Variants in GRAMD1C observed in about 807,000 individuals in gnomAD.
The protein encoded by GRAMD1C is protein Aster-C.
Under a neutral mutation model 97.8 loss-of-function variants are expected in GRAMD1C, and 89 were observed. The ratio of observed to expected loss-of-function variants is 0.91; its 90% CI spans 0.77 to 1.09. The LOEUF (loss-of-function observed/expected upper bound fraction) is 1.09, where lower values mean the gene tolerates loss of function less well. GRAMD1C is among the 50% of genes least tolerant of loss of function. The pLI is 0.00. For missense variants in GRAMD1C, 740 were observed against 766.4 expected (o/e 0.97, Z 0.41); for synonymous variants, 256 against 267.0 (o/e 0.96, Z 0.40).
chr3:113,925,610 A>T (rs1188948117), intron 10 of GRAMD1C, among the ~76,000 whole-genome samples: 1 of 152,214 alleles, frequency 6.6e-6, no homozygotes, highest in African/African-American at 2.4e-5. Flanking sequence ...TGTGGATTTT[A>T]TCTTGTCATT....
At position 113,873,314 on chromosome 3, in the gene GRAMD1C, T is replaced by C. The variant is rs150278106; in HGVS notation, c.260-2170T>C. Among the ~76,000 whole-genome samples the C allele has an allele frequency of 5.9e-5, 9 of 152,130 alleles. No homozygotes were observed. In the East Asian group the frequency reaches 1.7e-3, roughly 29 times the overall value. ...AAACACTCAAAAAAGTCTGCTGATA[T>C]ATATCAAATAGTCTTCAGTTAAATA... is the stretch of plus-strand genomic sequence containing the variant. On this transcript the variant is annotated intron_variant, in intron 3 of 17. Coordinates refer to ENST00000358160, the MANE Select transcript of GRAMD1C (RefSeq NM_017577.5).
chr3:113,926,754 A>G (rs1217752572), intron 10 of GRAMD1C, among the ~76,000 whole-genome samples: 1 of 152,068 alleles, frequency 6.6e-6, no homozygotes, highest in Non-Finnish European at 1.5e-5. Context: ...TCACTTCTGG[A>G]AGATTTCAGG....
At chr3:113,831,151 A>T (rs1219951265) in intron 1 of GRAMD1C, among the ~76,000 whole-genome samples, 1 of 152,200 alleles carries the variant, frequency 6.6e-6, no homozygotes, top group Non-Finnish European at 1.5e-5. Context: ...ACTTTATTCA[A>T]AGTTTTCCAG....
intron 3 of GRAMD1C, among the ~76,000 whole-genome samples, chr3:113,875,196 C>A (rs1196566352): frequency 6.6e-6 from 1 of 152,006 alleles, no homozygotes; most frequent in Non-Finnish European, 1.5e-5. Context: ...CTCATACCTG[C>A]CTATGCTCTC....
chr3:113,862,369 G>A (rs1934411575), intron 2 of GRAMD1C, among the ~76,000 whole-genome samples: 1 of 152,208 alleles, frequency 6.6e-6, no homozygotes, highest in South Asian at 2.1e-4. Context: ...TCTCAGGGAT[G>A]TTCCTTGCTG....
intron 14 of GRAMD1C, chr3:113,936,751 G>A (rs756680648): frequency 3.4e-5 from 6 of 178,608 alleles, no homozygotes; most frequent in Admixed American, 6.1e-5. Context: ...TGCCCATGCT[G>A]TAAGTGGCAC....
intron 5 of GRAMD1C, among the ~76,000 whole-genome samples, chr3:113,878,159 G>T (rs1163336770): frequency 6.6e-6 from 1 of 152,100 alleles, no homozygotes; most frequent in Non-Finnish European, 1.5e-5. Context: ...ACTTATGTCA[G>T]TATGAACTGG....
intron 10 of GRAMD1C, chr3:113,919,674 AC>A: frequency 1.5e-6 from 1 of 646,114 alleles, no homozygotes; most frequent in South Asian, 1.4e-5. Flanking sequence ...CTTATTGTTC[AC>A]CAGCTTGCCA....
chr3:113,857,775 G>A (rs1934208036), intron 2 of GRAMD1C, among the ~76,000 whole-genome samples: 1 of 152,134 alleles, frequency 6.6e-6, no homozygotes, highest in Non-Finnish European at 1.5e-5. Context: ...ATTTTTAAAA[G>A]CATGTCAATA....
chr3:113,834,430 T>C (rs555160563), upstream of GRAMD1C, among the ~76,000 whole-genome samples: 45 of 152,128 alleles, frequency 3.0e-4, no homozygotes, highest in African/African-American at 1.1e-3. Context: ...CCACCTGCCT[T>C]GGTCTCCTGA....
chr3:113,890,634 AG>A (rs1935685087), intron 6 of GRAMD1C: 4 of 633,296 alleles, frequency 6.3e-6, no homozygotes, highest in Non-Finnish European at 1.2e-5. Context: ...TAACTTGTTG[AG>A]TGCTCAGAAT....
At chr3:113,908,901 T>C (rs907731778) in intron 8 of GRAMD1C, 57 bp from the exon 9 acceptor site, 2 of 1,026,168 alleles carry the variant, frequency 1.9e-6, no homozygotes, top group Non-Finnish European at 2.8e-6. Context: ...AAGTTCTCAC[T>C]GCAAAATCTA....
chr3:113,866,350 G>A (rs1377590086), intron 2 of GRAMD1C, among the ~76,000 whole-genome samples: 1 of 152,100 alleles, frequency 6.6e-6, no homozygotes, highest in Non-Finnish European at 1.5e-5. Flanking sequence ...AAGTAATAGA[G>A]CCACTCAGAT....
Position 113,946,046 on chromosome 3 carries a change from ATGAT to A in GRAMD1C, c.*570_*573del, listed in dbSNP as rs1455439435. 6.6e-6 allele frequency: 1 copy of A among 152,398 alleles called. No individual in the cohort carries two copies. Among genetic ancestry groups the A allele is most frequent in the Non-Finnish European group, 1.5e-5 (1 of 68,036 alleles). 9.4% of individuals were successfully genotyped at this position (152,398 alleles called of 1,614,324 possible). Reference sequence around the variant, plus strand: ...AACTTTTTGAATCTGCATGTTGATGATGATTATCAGAAAGGGTCTTCTGCCATGC... The same window carrying A: ...AACTTTTTGAATCTGCATGTTGATGATATCAGAAAGGGTCTTCTGCCATGC... On this transcript the variant is annotated 3_prime_UTR_variant, in exon 18 of 18. Transcript: ENST00000358160.
At chr3:113,885,564 C>T in intron 6 of GRAMD1C, 1 of 1,568,048 alleles carries the variant, frequency 6.4e-7, no homozygotes, top group East Asian at 2.2e-5. Context: ...GCCTGTTAGG[C>T]CTCCTGACTT....
intron 6 of GRAMD1C, 69 bp from the exon 7 acceptor site, chr3:113,900,962 T>G: frequency 1.2e-6 from 1 of 821,726 alleles, no homozygotes; most frequent in Non-Finnish European, 2.1e-6. Context: ...TCAAAACTCA[T>G]GTTTTGAATC....
chr3:113,904,175 A>G lies in GRAMD1C; in HGVS notation c.692A>G (p.Glu231Gly). 6.2e-7 allele frequency: 1 copy of G among 1,608,022 alleles called. No individual in the cohort carries two copies. The highest frequency in any genetic ancestry group is 8.5e-7 in the Non-Finnish European group (1 of 1,174,528). Residue 231 changes from glutamate to glycine, a missense_variant, in exon 8 of 18, where the codon GAG becomes GGG. By Grantham distance (98) the Glu-to-Gly change is moderately conservative. Transcript: ENST00000358160. ...PGRSSLDDSGERDEKLSKSIS... is the reference protein window; with the variant it reads ...PGRSSLDDSGGRDEKLSKSIS... ...AGAAGCAGCTTGGATGACTCTGGGG[A>G]GAGAGATGAAAAATTATCCAAGTCA...
Position 113,852,562 on chromosome 3 carries a change from A to C in GRAMD1C, c.174+7913A>C, listed in dbSNP as rs558366453. On this transcript the variant is annotated intron_variant, in intron 2 of 17. Transcript: ENST00000358160. The stretch of plus-strand genomic sequence containing the variant: ...GATGAAATGTTTCAAACTTTTTTTT[A>C]ATAATGAATGTCTTGGCTCACAAAA... Among the ~76,000 whole-genome samples, 6 of 152,264 alleles carry C rather than the reference A, an allele frequency of 3.9e-5. No homozygotes were observed. In the South Asian group the frequency reaches 1.2e-3, roughly 32 times the overall value.
intron 9 of GRAMD1C, among the ~76,000 whole-genome samples, chr3:113,915,361 G>T (rs779150637): frequency 6.6e-6 from 1 of 152,104 alleles, no homozygotes; most frequent in Non-Finnish European, 1.5e-5. Flanking sequence ...TATTGTCCTT[G>T]TCCCTTTTGA....
Sources: allele counts gnomAD v4.1 joint callset (sites outside exome capture counted in the v4.1 genomes callset), GRCh38; gene constraint gnomAD v4.1.1; transcripts MANE v1.5; gene names NCBI Gene and HGNC (gene_info 2026-07-23, HGNC 2026-07-21).